PPM1L: variants seen among roughly 807,000 people sequenced by gnomAD.
PPM1L encodes the protein protein phosphatase 1L.
Under a neutral mutation model 31.4 loss-of-function variants are expected in PPM1L, and 13 were observed. The ratio of observed to expected loss-of-function variants is 0.41; its 90% CI spans 0.27 to 0.66. The LOEUF is 0.66. Ranked by LOEUF, PPM1L falls within the 30% of genes least tolerant of loss-of-function variation. The pLI is 0.29. For missense variants in PPM1L, 326 were observed against 453.7 expected (o/e 0.72, Z 2.56); for synonymous variants, 184 against 175.4 (o/e 1.05, Z -0.39).
chr3:160,768,755 G>C (rs144754313), intron 1 of PPM1L, among the ~76,000 whole-genome samples: 5 of 152,046 alleles, frequency 3.3e-5, no homozygotes, highest in African/African-American at 1.2e-4. Flanking sequence ...GTTTTTGGTT[G>C]CAAGTGACAG....
At chr3:160,919,344 A>C (rs1013005528) in intron 1 of PPM1L, among the ~76,000 whole-genome samples, 1 of 152,188 alleles carries the variant, frequency 6.6e-6, no homozygotes, top group Non-Finnish European at 1.5e-5. Flanking sequence ...GGGCCACTTA[A>C]GAACTGGGCT....
In PPM1L at chr3:161,078,788, G is replaced by A. The variant is rs568025462; in HGVS notation, c.*9631G>A. Reference sequence around the variant, plus strand: ...GCTCGGGTAGAATTAGCCTTGTAGAGACTAATGTGTTCATGCTATCTCTGA... The same window carrying A: ...GCTCGGGTAGAATTAGCCTTGTAGAAACTAATGTGTTCATGCTATCTCTGA... On this transcript the variant is annotated 3_prime_UTR_variant, in exon 4 of 4. Transcript: ENST00000498165. The A allele has an allele frequency of 6.6e-6, 1 of 152,174 alleles. No individual in the cohort carries two copies. The allele number at this position is 152,174 out of a possible 1,614,324, so 9.4% of individuals were successfully genotyped here. A position where few individuals can be genotyped will look rare whatever the true frequency, so the allele number is the denominator to read the frequency against.
intron 1 of PPM1L, among the ~76,000 whole-genome samples, chr3:160,908,381 G>A (rs569078764): frequency 6.6e-6 from 1 of 152,162 alleles, no homozygotes; most frequent in Non-Finnish European, 1.5e-5. Flanking sequence ...AATAAATACA[G>A]TGTTGTTCAC....
intron 2 of PPM1L, among the ~76,000 whole-genome samples, chr3:160,980,632 C>T (rs866485973): frequency 6.6e-6 from 1 of 150,548 alleles, no homozygotes; most frequent in African/African-American, 2.5e-5. Context: ...CATGCAATAG[C>T]ACTCCAGCCT....
chr3:161,032,871 T>A (rs1718618372), intron 2 of PPM1L, among the ~76,000 whole-genome samples: 1 of 132,538 alleles, frequency 7.5e-6, no homozygotes, highest in Non-Finnish European at 1.6e-5. Flanking sequence ...TTTGTATTTT[T>A]TTTTTTTTTT....
At chr3:160,861,059 A>G (rs1480035956) in intron 1 of PPM1L, among the ~76,000 whole-genome samples, 1 of 152,214 alleles carries the variant, frequency 6.6e-6, no homozygotes, top group Non-Finnish European at 1.5e-5. Context: ...TTCAAAGTAG[A>G]AAGAGGTTTT....
At chr3:161,054,400 T>C (rs1719358221) in intron 2 of PPM1L, among the ~76,000 whole-genome samples, 1 of 151,898 alleles carries the variant, frequency 6.6e-6, no homozygotes, top group African/African-American at 2.4e-5. Flanking sequence ...GGTCAGTGGG[T>C]ACGGGATAAA....
chr3:160,759,028 C>T (rs770985001), intron 1 of PPM1L, among the ~76,000 whole-genome samples: 7 of 152,144 alleles, frequency 4.6e-5, no homozygotes, highest in Non-Finnish European at 1.0e-4. Context: ...GGGAGTATAA[C>T]AGTGACAAAT....
Position 161,074,613 on chromosome 3 carries a change from A to G in PPM1L, c.*5456A>G, listed in dbSNP as rs1432178362. 1.3e-5 allele frequency: 2 copies of G among 152,156 alleles called. No individual in the cohort carries two copies. Among genetic ancestry groups the G allele is most frequent in the Non-Finnish European group, 2.9e-5 (2 of 68,030 alleles). The allele number at this position is 152,156 out of a possible 1,614,324, so 9.4% of individuals were successfully genotyped here. ...GATGCATTTCTAAACATTTTTTCTA[A>G]TATGTAAATTTGCTGATCCTTAGTA... On this transcript the variant is annotated 3_prime_UTR_variant, in exon 4 of 4. Coordinates refer to ENST00000498165, the MANE Select transcript of PPM1L (RefSeq NM_139245.4).
At chr3:160,872,167 T>C (rs1292395826) in intron 1 of PPM1L, among the ~76,000 whole-genome samples, 1 of 152,186 alleles carries the variant, frequency 6.6e-6, no homozygotes, top group Non-Finnish European at 1.5e-5. Flanking sequence ...TGTTGGCCAT[T>C]TTCTGTCAGT....
In PPM1L at chr3:161,069,403, T is replaced by C. The variant is rs1719842687; in HGVS notation, c.*246T>C. On this transcript the variant is annotated 3_prime_UTR_variant, in exon 4 of 4. Coordinates refer to ENST00000498165, the MANE Select transcript of PPM1L (RefSeq NM_139245.4). ...TCTTTCATCCAGTGTCCAAAATATATAAGTAAATAGCTGTAGAGTCACATA... is the reference window on the plus strand; with the variant it reads ...TCTTTCATCCAGTGTCCAAAATATACAAGTAAATAGCTGTAGAGTCACATA... 1.9e-6 allele frequency: 1 copy of C among 518,864 alleles called. No homozygotes were observed. The highest frequency in any genetic ancestry group is 3.4e-6 in the Non-Finnish European group (1 of 292,488). The allele number at this position is 518,864 out of a possible 1,614,324, so 32.1% of individuals were successfully genotyped here. A position where few individuals can be genotyped will look rare whatever the true frequency, so the allele number is the denominator to read the frequency against.
At chr3:160,963,882 A>T (rs1716051224) in intron 2 of PPM1L, among the ~76,000 whole-genome samples, 1 of 152,096 alleles carries the variant, frequency 6.6e-6, no homozygotes, top group Non-Finnish European at 1.5e-5. Flanking sequence ...GCCCTGTAGC[A>T]TGAAACAGTA....
At chr3:161,026,674 G>A (rs1188851452) in intron 2 of PPM1L, among the ~76,000 whole-genome samples, 1 of 149,714 alleles carries the variant, frequency 6.7e-6, no homozygotes, top group East Asian at 2.0e-4. Context: ...CTCCTGCTGG[G>A]GAAACAGAGT....
intron 1 of PPM1L, among the ~76,000 whole-genome samples, chr3:160,818,168 A>G (rs866875710): frequency 6.6e-6 from 1 of 152,192 alleles, no homozygotes; most frequent in South Asian, 2.1e-4. Flanking sequence ...GCTAAGCACA[A>G]TGGCTTTGTT....
At chr3:160,904,156 C>T (rs1181054046) in intron 1 of PPM1L, among the ~76,000 whole-genome samples, 1 of 152,056 alleles carries the variant, frequency 6.6e-6, no homozygotes, top group African/African-American at 2.4e-5. Flanking sequence ...TCTTCAGAAG[C>T]AATGCATAAG....
intron 2 of PPM1L, among the ~76,000 whole-genome samples, chr3:161,005,965 A>T (rs1365293190): frequency 6.6e-6 from 1 of 151,820 alleles, no homozygotes; most frequent in Non-Finnish European, 1.5e-5. Context: ...ATTTTAAAAG[A>T]TGCATTAAAA....
At chr3:160,916,845 C>G (rs1026152637) in intron 1 of PPM1L, among the ~76,000 whole-genome samples, 1 of 151,996 alleles carries the variant, frequency 6.6e-6, no homozygotes, top group African/African-American at 2.4e-5. Context: ...TCAGGCCCTC[C>G]AAATAGGAAA....
At chr3:160,878,136 G>C (rs1041737016) in intron 1 of PPM1L, among the ~76,000 whole-genome samples, 20 of 152,102 alleles carry the variant, frequency 1.3e-4, no homozygotes, top group African/African-American at 4.8e-4. Context: ...CCACCCTGCA[G>C]GCCATCACAC....
At chr3:161,007,613 G>T (rs1032409574) in intron 2 of PPM1L, among the ~76,000 whole-genome samples, 1 of 152,164 alleles carries the variant, frequency 6.6e-6, no homozygotes, top group Non-Finnish European at 1.5e-5. Context: ...ACACAAATTC[G>T]TAAACTTTCT....
Sources: gnomAD v4.1 joint callset for allele counts (sites outside exome capture counted in the v4.1 genomes callset) on GRCh38, gnomAD v4.1.1 for gene constraint, MANE v1.5 for transcripts, NCBI Gene and HGNC (gene_info 2026-07-23, HGNC 2026-07-21) for gene names.